The following DIP2C variants were observed in gnomAD, a reference collection of about 807,000 sequenced individuals.
DIP2C encodes disco-interacting protein 2 homolog C.
DIP2C carries 33 observed loss-of-function variants against 192.4 expected under a neutral mutation model. The observed-to-expected ratio is 0.17, with a 90% confidence interval of 0.13 to 0.23. DIP2C has a LOEUF of 0.23. Among genes scored for constraint, DIP2C ranks in the 10% least tolerant of loss-of-function variants. The probability of loss-of-function intolerance (pLI) is 1.00; values close to 1 mark genes in which losing one functional copy is unlikely to be tolerated. For synonymous variants in DIP2C, 979 were observed against 864.1 expected (o/e 1.13, Z -2.33); for missense variants, 1,537 against 2,110.1 (o/e 0.73, Z 5.32).
At chr10:576,051 G>A (rs1256957011) in intron 1 of DIP2C, among the ~76,000 whole-genome samples, 2 of 152,168 alleles carry the variant, frequency 1.3e-5, no homozygotes, top group Non-Finnish European at 2.9e-5. Flanking sequence ...ACAGTGACCA[G>A]GAACTCACCT....
chr10:299,840 A>G (rs565373937), intron 32 of DIP2C, among the ~76,000 whole-genome samples: 3 of 152,320 alleles, frequency 2.0e-5, no homozygotes, highest in South Asian at 4.1e-4. Context: ...CACTCCAGCT[A>G]AAAAGTGTGG....
In DIP2C at chr10:288,326, C is replaced by A. The variant is rs377171040; in HGVS notation, c.4044+38G>T. On this transcript the variant is annotated intron_variant, in intron 33 of 36. Coordinates refer to ENST00000280886, the MANE Select transcript of DIP2C (RefSeq NM_014974.3). ...CAAAGCCCATACAGTCAGAAGCGAA[C>A]GGATACAGAAATGCGTGCCTCTTCC... 6 of 1,593,008 alleles carry A rather than the reference C, an allele frequency of 3.8e-6. No individual in the cohort carries two copies. The African/African-American group carries it at 6.7e-5, about 18-fold the overall frequency.
At chr10:585,490 C>T (rs1850961223) in intron 1 of DIP2C, among the ~76,000 whole-genome samples, 1 of 152,248 alleles carries the variant, frequency 6.6e-6, no homozygotes, top group Non-Finnish European at 1.5e-5. Flanking sequence ...AAATCCGTCT[C>T]ACCTGGCTCC....
intron 1 of DIP2C, among the ~76,000 whole-genome samples, chr10:648,059 C>A (rs1855578563): frequency 6.7e-6 from 1 of 150,082 alleles, no homozygotes; most frequent in Non-Finnish European, 1.5e-5. Context: ...GAAACTGAGT[C>A]CACGTCCACA....
At chr10:277,692 C>G in intron 36 of DIP2C, 115 bp from the exon 37 acceptor site, 1 of 1,372,216 alleles carries the variant, frequency 7.3e-7, no homozygotes, top group Non-Finnish European at 9.8e-7. Context: ...GCCCGACAGT[C>G]TCCTCCGGCC....
chr10:662,934 T>G (rs1328944282), intron 1 of DIP2C: 1 of 717,488 alleles, frequency 1.4e-6, no homozygotes, highest in Admixed American at 2.0e-5. Context: ...TGTACGCTAA[T>G]GGTTCTCAGC....
intron 8 of DIP2C, among the ~76,000 whole-genome samples, chr10:412,289 C>G (rs1213206109): frequency 1.3e-5 from 2 of 152,336 alleles, no homozygotes; most frequent in Non-Finnish European, 2.9e-5. Flanking sequence ...TATTAGTTCT[C>G]AGAGTGAACA....
At chr10:457,617 G>A (rs1177526909) in intron 3 of DIP2C, among the ~76,000 whole-genome samples, 1 of 152,158 alleles carries the variant, frequency 6.6e-6, no homozygotes, top group Admixed American at 6.5e-5. Flanking sequence ...GTGCAGTGAT[G>A]TGACAACAGC....
intron 3 of DIP2C, among the ~76,000 whole-genome samples, chr10:461,369 A>C (rs1346518857): frequency 6.6e-6 from 1 of 152,004 alleles, no homozygotes; most frequent in African/African-American, 2.4e-5. Context: ...AAAGCAAAAA[A>C]AGCATGAGTT....
At chr10:443,970 C>T (rs1350446114) in intron 3 of DIP2C, among the ~76,000 whole-genome samples, 10 of 152,310 alleles carry the variant, frequency 6.6e-5, no homozygotes, top group Admixed American at 4.6e-4. Flanking sequence ...TGGAAATCTA[C>T]CTATTACCCT....
At chr10:511,534 TA>T (rs905334813) in intron 1 of DIP2C, among the ~76,000 whole-genome samples, 2 of 152,154 alleles carry the variant, frequency 1.3e-5, no homozygotes, top group Non-Finnish European at 2.9e-5. Flanking sequence ...ATTTACTTCT[TA>T]AAAAATAACA....
At chr10:472,637 A>T (rs1970721615) in intron 2 of DIP2C, 88 bp from the exon 3 acceptor site, 1 of 1,197,658 alleles carries the variant, frequency 8.3e-7, no homozygotes, top group Non-Finnish European at 1.2e-6. Context: ...CCATCCCCAC[A>T]GCAAAGCCAG....
chr10:360,183 T>C (rs1281970001), intron 22 of DIP2C, among the ~76,000 whole-genome samples: 6 of 152,162 alleles, frequency 3.9e-5, no homozygotes, highest in Non-Finnish European at 7.4e-5. Flanking sequence ...GTTTGGGACC[T>C]TGAATGCCTC....
intron 9 of DIP2C, among the ~76,000 whole-genome samples, chr10:406,620 G>GTT (rs1014230117): frequency 2.0e-5 from 3 of 152,190 alleles, no homozygotes; most frequent in African/African-American, 7.2e-5. Context: ...TCAGTTCATA[G>GTT]TTTGACTCTG....
chr10:374,426 G>C (rs960049164), intron 17 of DIP2C, among the ~76,000 whole-genome samples: 5 of 152,200 alleles, frequency 3.3e-5, no homozygotes, highest in Non-Finnish European at 7.3e-5. Flanking sequence ...TATATTTAAT[G>C]ACCTATTCTG....
At chr10:450,329 T>G (rs1968752491) in intron 3 of DIP2C, among the ~76,000 whole-genome samples, 1 of 152,212 alleles carries the variant, frequency 6.6e-6, no homozygotes, top group Non-Finnish European at 1.5e-5. Context: ...ACGTAGACAT[T>G]TGGCACTTGT....
intron 1 of DIP2C, among the ~76,000 whole-genome samples, chr10:491,749 TA>T (rs941871477): frequency 2.0e-5 from 3 of 152,198 alleles, no homozygotes; most frequent in African/African-American, 7.2e-5. Context: ...AGAAAATCTT[TA>T]AAAAAAGTTC....
intron 3 of DIP2C, among the ~76,000 whole-genome samples, chr10:463,679 T>C (rs1386745960): frequency 1.3e-5 from 2 of 152,116 alleles, no homozygotes; most frequent in Admixed American, 1.3e-4. Flanking sequence ...AGAGCCCACA[T>C]AGCCAAGACA....
intron 19 of DIP2C, among the ~76,000 whole-genome samples, chr10:364,803 A>C (rs939604466): frequency 2.0e-5 from 3 of 152,130 alleles, no homozygotes; most frequent in Admixed American, 1.3e-4. Flanking sequence ...CCGTTCCTGC[A>C]CCTCCACTCA....
Sources: allele counts gnomAD v4.1 joint callset (sites outside exome capture counted in the v4.1 genomes callset), GRCh38; gene constraint gnomAD v4.1.1; transcripts MANE v1.5; gene names NCBI Gene and HGNC (gene_info 2026-07-23, HGNC 2026-07-21).